ASZ1: variants seen among roughly 807,000 people sequenced by gnomAD.
ASZ1 encodes ankyrin repeat, SAM and basic leucine zipper domain-containing protein 1.
In ASZ1, 67 loss-of-function variants were observed where a neutral mutation model predicts 61.8. The observed-to-expected ratio is 1.08, with a 90% CI of 0.89 to 1.33. The LOEUF (loss-of-function observed/expected upper bound fraction) is 1.33. Among genes scored for constraint, ASZ1 ranks in the 40% most tolerant of loss-of-function variants. The pLI, the probability that ASZ1 is intolerant of heterozygous loss-of-function variation, is 0.00. For missense variants in ASZ1, 577 were observed against 554.5 expected (o/e 1.04, Z -0.41); for synonymous variants, 193 against 192.7 (o/e 1.00, Z -0.01).
Position 117,363,762 on chromosome 7 carries a change from T to C in ASZ1, c.1276-14A>G. The stretch of plus-strand genomic sequence containing the variant: ...TTCATTTTGCAACTAATATTTAGTA[T>C]GGAAAAAGAAAAGAGGAGTTACTGT... On this transcript the variant is annotated splice_polypyrimidine_tract_variant and intron_variant, in intron 12 of 12. Coordinates refer to ENST00000284629, the MANE Select transcript of ASZ1 (RefSeq NM_130768.3). 1.3e-6 allele frequency: 2 copies of C among 1,548,534 alleles called. No individual in the cohort carries two copies. Among genetic ancestry groups the C allele is most frequent in the African/African-American group, 2.8e-5 (2 of 72,176 alleles).
chr7:117,388,508 T>A lies in ASZ1; in HGVS notation c.441-2699A>T, dbSNP rs1013153316. On this transcript the variant is annotated intron_variant, in intron 4 of 12. Coordinates refer to ENST00000284629, the MANE Select transcript of ASZ1 (RefSeq NM_130768.3). ...GCTGGTTTGATATTTGAAACATCAATCAATATAATGTACCATATTAACAAA... is the reference window on the plus strand; with the variant it reads ...GCTGGTTTGATATTTGAAACATCAAACAATATAATGTACCATATTAACAAA... 8.6e-5 allele frequency among the ~76,000 whole-genome samples: 13 copies of A among 152,026 alleles called. 1 individual carries two copies. Among genetic ancestry groups the A allele is most frequent in the African/African-American group, 3.1e-4 (13 of 41,400 alleles).
chr7:117,385,280 A>G (rs1235226127), intron 5 of ASZ1, among the ~76,000 whole-genome samples: 1 of 151,270 alleles, frequency 6.6e-6, no homozygotes, highest in East Asian at 1.9e-4. Flanking sequence ...TTTTTTTGAG[A>G]TGGAGTTTCG....
intron 2 of ASZ1, 21 bp downstream of exon 2, chr7:117,426,815 A>G: frequency 4.4e-6 from 7 of 1,574,748 alleles, no homozygotes; most frequent in Non-Finnish European, 5.2e-6. Context: ...TGTTCAGATG[A>G]AACTGTCCCT....
intron 4 of ASZ1, among the ~76,000 whole-genome samples, chr7:117,410,559 CAG>C (rs1003875155): frequency 1.5e-4 from 23 of 151,382 alleles, no homozygotes; most frequent in African/African-American, 4.8e-4. Flanking sequence ...TCAAGCATAG[CAG>C]AGTTTTTTTG....
chr7:117,424,623 A>C (rs1562863143), intron 2 of ASZ1, among the ~76,000 whole-genome samples: 1 of 152,224 alleles, frequency 6.6e-6, no homozygotes, highest in Admixed American at 6.5e-5. Context: ...AATCATATCA[A>C]GTCTTAATCC....
At chr7:117,394,902 T>C (rs1487900779) in intron 4 of ASZ1, among the ~76,000 whole-genome samples, 1 of 152,248 alleles carries the variant, frequency 6.6e-6, no homozygotes. Flanking sequence ...TTTCTATTGT[T>C]ATTTTGTGAA....
intron 4 of ASZ1, among the ~76,000 whole-genome samples, chr7:117,404,462 A>G (rs915034435): frequency 2.9e-5 from 4 of 140,302 alleles, no homozygotes; most frequent in African/African-American, 1.1e-4. Context: ...AGCAGTGCAT[A>G]CCTCTTACTT....
At chr7:117,371,166 A>T (rs1305984986) in intron 10 of ASZ1, among the ~76,000 whole-genome samples, 2 of 152,138 alleles carry the variant, frequency 1.3e-5, no homozygotes, top group Admixed American at 1.3e-4. Flanking sequence ...TCTTACTTGT[A>T]GAAGTTTTGA....
At chr7:117,368,212 C>T (rs1795980819) in intron 11 of ASZ1, 7 of 952,572 alleles carry the variant, frequency 7.3e-6, no homozygotes, top group Non-Finnish European at 8.8e-6. Context: ...CGGATGTGAG[C>T]CACTATGCCC....
intron 4 of ASZ1, among the ~76,000 whole-genome samples, chr7:117,419,841 T>G (rs1163731485): frequency 6.6e-6 from 1 of 152,302 alleles, no homozygotes; most frequent in South Asian, 2.1e-4. Context: ...GAGAGAACAT[T>G]AAAAGGCTTT....
intron 2 of ASZ1, among the ~76,000 whole-genome samples, chr7:117,425,259 CTTT>C (rs71148368): frequency 3.2e-5 from 3 of 93,858 alleles, no homozygotes; most frequent in African/African-American, 7.3e-5. Context: ...TGAGTAATTT[CTTT>C]TTTTTTTTTT....
intron 3 of ASZ1, among the ~76,000 whole-genome samples, chr7:117,420,622 A>G (rs1797083211): frequency 6.6e-6 from 1 of 152,240 alleles, no homozygotes; most frequent in South Asian, 2.1e-4. Context: ...TGTTTGGGAA[A>G]CAATGATCTA....
chr7:117,367,726 C>T (rs1280154368), intron 11 of ASZ1: 4 of 952,252 alleles, frequency 4.2e-6, no homozygotes, highest in Non-Finnish European at 5.1e-6. Context: ...TTATGATGAA[C>T]AAATCAGTTC....
At chr7:117,383,236 G>A in intron 6 of ASZ1, 126 bp from the exon 7 acceptor site, 1 of 1,106,058 alleles carries the variant, frequency 9.0e-7, no homozygotes, top group Non-Finnish European at 1.2e-6. Flanking sequence ...TGGGACAGAT[G>A]TTTCACAATT....
intron 10 of ASZ1, among the ~76,000 whole-genome samples, chr7:117,373,030 T>C (rs1379351201): frequency 1.3e-5 from 2 of 152,178 alleles, no homozygotes; most frequent in African/African-American, 4.8e-5. Flanking sequence ...TTTTACATAA[T>C]ATCTTAACAT....
chr7:117,395,410 T>G (rs1209251742), intron 4 of ASZ1, among the ~76,000 whole-genome samples: 1 of 152,138 alleles, frequency 6.6e-6, no homozygotes, highest in Non-Finnish European at 1.5e-5. Context: ...ACAATCTGTT[T>G]GGCACTCTGA....
intron 12 of ASZ1, among the ~76,000 whole-genome samples, chr7:117,365,351 A>G (rs1053764756): frequency 2.6e-5 from 4 of 152,220 alleles, no homozygotes; most frequent in Non-Finnish European, 5.9e-5. Flanking sequence ...CTTAACAGGT[A>G]TGCATTATTA....
chr7:117,372,087 A>G (rs1796060273), intron 10 of ASZ1, among the ~76,000 whole-genome samples: 3 of 152,190 alleles, frequency 2.0e-5, no homozygotes, highest in Admixed American at 2.0e-4. Flanking sequence ...GTGCCTCTCC[A>G]TCACAGCTGT....
In ASZ1 at chr7:117,363,706, T is replaced by C; in HGVS notation, c.1318A>G (p.Arg440Gly). Residue 440 changes from arginine to glycine, a missense_variant, in exon 13 of 13, where the codon AGG becomes GGG. Physicochemically the swap from Arg to Gly is moderately radical, Grantham distance 125 (BLOSUM62 -2). Coordinates refer to ENST00000284629, the MANE Select transcript of ASZ1 (RefSeq NM_130768.3). ...CTATTCCATGTAGATACTTCTTCCC[T>C]TAATTGTATATGAGTTGGATCATTT... ...RENDPTHIQL[R>G]EEVSTWNSRI... 6.2e-7 allele frequency: 1 copy of C among 1,602,740 alleles called. No individual in the cohort carries two copies. Among genetic ancestry groups the C allele is most frequent in the East Asian group, 2.3e-5 (1 of 44,398 alleles).
Sources: allele counts gnomAD v4.1 joint callset (sites outside exome capture counted in the v4.1 genomes callset), GRCh38; gene constraint gnomAD v4.1.1; transcripts MANE v1.5; gene names NCBI Gene and HGNC (gene_info 2026-07-23, HGNC 2026-07-21).